The following INTS12 variants were observed in gnomAD, a reference collection of about 807,000 sequenced individuals.
The protein encoded by INTS12 is PHD finger protein 22.
A neutral mutation model predicts 41.6 loss-of-function variants in INTS12; 13 were observed. That is an observed-to-expected ratio of 0.31 (90% CI 0.20 to 0.50). INTS12 has a LOEUF of 0.50. INTS12 is among the 20% of genes least tolerant of loss of function. The pLI, the probability that INTS12 is intolerant of heterozygous loss-of-function variation, is 0.98. For synonymous variants in INTS12, 199 were observed against 191.4 expected, an observed-to-expected ratio of 1.04 and a Z score of -0.33; for missense variants, 432 against 541.6, an observed-to-expected ratio of 0.80 and a Z score of 2.01.
Position 105,684,924 on chromosome 4 carries a change from C to G in INTS12, c.805-1607G>C, listed in dbSNP as rs545687775. Among the ~76,000 whole-genome samples the G allele has an allele frequency of 3.3e-5, 5 of 152,212 alleles. No individual in the cohort carries two copies. In the East Asian group the frequency reaches 7.7e-4, roughly 23 times the overall value. On this transcript the variant is annotated intron_variant, in intron 7 of 7. Coordinates refer to ENST00000340139, the MANE Select transcript of INTS12 (RefSeq NM_020395.4). ...AAGCAAGAAAGCATGTTCTATGTGTCTGGCATTTCATTTTAATGGCTTGCT... is the reference window on the plus strand; with the variant it reads ...AAGCAAGAAAGCATGTTCTATGTGTGTGGCATTTCATTTTAATGGCTTGCT...
In INTS12 at chr4:105,685,154, T is replaced by C. The variant is rs75758764; in HGVS notation, c.804+1538A>G. On this transcript the variant is annotated intron_variant, in intron 7 of 7. Coordinates refer to ENST00000340139, the MANE Select transcript of INTS12 (RefSeq NM_020395.4). Reference sequence around the variant, plus strand: ...TTAGAAAAGACATTTGCTTTTTATATGTGAATGGGAACAATTTTTTTATAG... The same window carrying C: ...TTAGAAAAGACATTTGCTTTTTATACGTGAATGGGAACAATTTTTTTATAG... Among the ~76,000 whole-genome samples the C allele has an allele frequency of 8.4e-3, 1,280 of 152,248 alleles. 10 individuals carry two copies. Among genetic ancestry groups the C allele is most frequent in the Middle Eastern group, 0.027 (8 of 294 alleles).
Position 105,700,021 on chromosome 4 carries a change from G to A in INTS12, c.-9-7C>T. 1.4e-6 allele frequency: 2 copies of A among 1,452,148 alleles called. No homozygotes were observed. The highest frequency in any genetic ancestry group is 1.6e-5 in the South Asian group (1 of 64,102). 90.0% of individuals were successfully genotyped at this position (1,452,148 alleles called of 1,614,324 possible). Reference sequence around the variant, plus strand: ...TAGCAGCCATTGCAAACGCCTGAAGGAAAAAAAGAGAAAGTAATCTAGAAG... The same window carrying A: ...TAGCAGCCATTGCAAACGCCTGAAGAAAAAAAAGAGAAAGTAATCTAGAAG... On this transcript the variant is annotated splice_region_variant and splice_polypyrimidine_tract_variant and intron_variant, in intron 2 of 7. Transcript: ENST00000340139.
chr4:105,683,077 C>T lies in INTS12; in HGVS notation c.1045G>A (p.Gly349Ser). The change falls in exon 8 of 8, where the codon GGT (glycine) becomes AGT (serine). Residue 349 changes from glycine (G) to serine (S), a missense_variant. This residue lies in a region of INTS12 where 258 missense variants were observed against 309.9 expected (regional missense o/e 0.83). Transcript: ENST00000340139. ...SSKGGIGSKI[G>S]SNNSTTPTVP... The stretch of plus-strand genomic sequence containing the variant: ...GTGGGCGTAGTGCTGTTATTGGAAC[C>T]TATTTTGGAACCTATTCCACCTTTG... 6.2e-7 allele frequency: 1 copy of T among 1,614,066 alleles called. No homozygotes were observed. Among genetic ancestry groups the T allele is most frequent in the Non-Finnish European group, 8.5e-7 (1 of 1,179,936 alleles).
Position 105,695,590 on chromosome 4 carries a change from A to C in INTS12, c.235T>G (p.Ser79Ala), listed in dbSNP as rs1731832987. Residue 79 changes from serine to alanine, a missense_variant, in exon 4 of 8, where the codon TCT becomes GCT. Physicochemically the swap from Ser to Ala is moderately conservative, Grantham distance 99 (BLOSUM62 1). Coordinates refer to ENST00000340139, the MANE Select transcript of INTS12 (RefSeq NM_020395.4). ...AGGACCTTGCCATTATTATTACCAG[A>C]AGGAAGACTGGATGATATTTTGGGC... ...QEPKISSSLP[S>A]GNNNGKVLTT... 1 of 1,613,220 alleles carries C rather than the reference A, an allele frequency of 6.2e-7. No individual in the cohort carries two copies. The highest frequency in any genetic ancestry group is 1.3e-5 in the African/African-American group (1 of 74,962).
intron 1 of INTS12, among the ~76,000 whole-genome samples, chr4:105,707,046 A>T (rs1189091285): frequency 6.6e-6 from 1 of 152,154 alleles, no homozygotes; most frequent in African/African-American, 2.4e-5. Context: ...ATTTAAGAAG[A>T]TTCAGTAACT....
chr4:105,699,614 T>C (rs1487573823), intron 3 of INTS12, among the ~76,000 whole-genome samples: 1 of 152,192 alleles, frequency 6.6e-6, no homozygotes, highest in African/African-American at 2.4e-5. Context: ...AACAAGTGAA[T>C]TCATATACAC....
At position 105,686,829 on chromosome 4, in the gene INTS12, T is replaced by G; in HGVS notation, c.667A>C (p.Thr223Pro). The part of the protein sequence containing the change: ...TRQMKRMAQK[T>P]QKPPQKPAPA... ...GCTGGTTTCTGCGGTGGTTTCTGAG[T>G]TTTTTGAGCCTGCAAAAATCAGTGG... The change falls in exon 7 of 8, where the codon ACT (threonine) becomes CCT (proline). Residue 223 changes from threonine (T) to proline (P), a missense_variant. Around this residue, in one of 3 missense-constraint regions of INTS12, gnomAD observed 258 missense variants for 309.9 expected, o/e 0.83. Transcript: ENST00000340139. The G allele has an allele frequency of 6.2e-7, 1 of 1,613,572 alleles. No individual in the cohort carries two copies. The highest frequency in any genetic ancestry group is 8.5e-7 in the Non-Finnish European group (1 of 1,179,764).
In INTS12 at chr4:105,693,414, A is replaced by G. The variant is rs1453990477; in HGVS notation, c.382T>C (p.Ser128Pro). 6.2e-7 allele frequency: 1 copy of G among 1,613,904 alleles called. No homozygotes were observed. The highest frequency in any genetic ancestry group is 8.5e-7 in the Non-Finnish European group (1 of 1,179,822). The part of the protein sequence containing the change: ...PRLEKPETQS[S>P]PITVQSSKDL... ...TTGCTACTTTGGACAGTAATGGGAG[A>G]TGACTGTGTTTCTGGTTTCTCCAAT... The change falls in exon 5 of 8, where the codon TCT becomes CCT. Residue 128 changes from serine (S) to proline (P), a missense_variant. This residue lies in a region of INTS12 where 168 missense variants were observed against 198.9 expected (regional missense o/e 0.84). Coordinates refer to ENST00000340139, the MANE Select transcript of INTS12 (RefSeq NM_020395.4).
At chr4:105,704,061 A>C (rs938964304) in intron 1 of INTS12, among the ~76,000 whole-genome samples, 19 of 150,306 alleles carry the variant, frequency 1.3e-4, no homozygotes, top group Non-Finnish European at 2.4e-4. Context: ...CATTGACATT[A>C]AATATATTCA....
intron 2 of INTS12, among the ~76,000 whole-genome samples, 198 bp downstream of exon 2, chr4:105,703,450 T>C (rs1039776243): frequency 2.6e-5 from 4 of 152,172 alleles, no homozygotes; most frequent in Non-Finnish European, 4.4e-5. Context: ...GTATCTCTTA[T>C]TATCCTTGAT....
chr4:105,700,449 G>A (rs1732023994), intron 2 of INTS12, among the ~76,000 whole-genome samples: 1 of 151,896 alleles, frequency 6.6e-6, no homozygotes, highest in Non-Finnish European at 1.5e-5. Flanking sequence ...GTTTGTGTGT[G>A]TAAGGGCTAT....
chr4:105,690,207 A>G (rs1348139609), intron 6 of INTS12, among the ~76,000 whole-genome samples: 1 of 152,136 alleles, frequency 6.6e-6, no homozygotes, highest in African/African-American at 2.4e-5. Flanking sequence ...AGTGAGAGAG[A>G]GGGCTGTAAG....
At chr4:105,697,260 G>T (rs763485349) in intron 3 of INTS12, among the ~76,000 whole-genome samples, 3 of 152,146 alleles carry the variant, frequency 2.0e-5, no homozygotes, top group African/African-American at 7.2e-5. Context: ...GGCAGCTCTT[G>T]GAATTCCCCC....
At chr4:105,688,275 T>C (rs1731563967) in intron 6 of INTS12, among the ~76,000 whole-genome samples, 1 of 152,180 alleles carries the variant, frequency 6.6e-6, no homozygotes, top group Non-Finnish European at 1.5e-5. Flanking sequence ...TTTGATAATC[T>C]TCATAAGCCC....
rs144768612 is a variant in INTS12, at chr4:105,703,614, A to G, written c.-10+34T>C. 6.3e-4 allele frequency: 96 copies of G among 152,266 alleles called. 1 individual carries two copies. The highest frequency in any genetic ancestry group is 2.3e-3 in the African/African-American group (94 of 41,534). The allele number at this position is 152,266 out of a possible 1,614,324, so 9.4% of individuals were successfully genotyped here. The stretch of plus-strand genomic sequence containing the variant: ...AGCCATTCTCTCTCTGCCTGCACCC[A>G]AACTCTAAGTGCAACTGGGAGGAAT... On this transcript the variant is annotated intron_variant, in intron 2 of 7. Transcript: ENST00000340139.
chr4:105,702,128 T>TTC (rs1732097653), intron 2 of INTS12, among the ~76,000 whole-genome samples: 1 of 148,980 alleles, frequency 6.7e-6, no homozygotes, highest in Non-Finnish European at 1.5e-5. Flanking sequence ...TTATTTCTAT[T>TTC]TCTTTTTTTT....
chr4:105,695,395 G>A, intron 4 of INTS12, 121 bp downstream of exon 4: 1 of 662,058 alleles, frequency 1.5e-6, no homozygotes, highest in South Asian at 2.7e-5. Context: ...TTCACTGAGT[G>A]TTGATTATTA....
intron 7 of INTS12, among the ~76,000 whole-genome samples, chr4:105,686,139 T>C (rs1412519141): frequency 6.6e-6 from 1 of 152,200 alleles, no homozygotes; most frequent in African/African-American, 2.4e-5. Flanking sequence ...CTCAGCTCAC[T>C]GCAAACTTCG....
At chr4:105,689,722 G>A (rs1336167422) in intron 6 of INTS12, among the ~76,000 whole-genome samples, 1 of 151,946 alleles carries the variant, frequency 6.6e-6, no homozygotes, top group Non-Finnish European at 1.5e-5. Flanking sequence ...TGGCAATGTA[G>A]CAAGACTCCA....
Sources: gnomAD v4.1 joint callset for allele counts (sites outside exome capture counted in the v4.1 genomes callset) on GRCh38, gnomAD v4.1.1 for gene constraint, gnomAD v4.1.1 regional missense constraint, MANE v1.5 for transcripts, NCBI Gene and HGNC (gene_info 2026-07-23, HGNC 2026-07-21) for gene names.